DLGAP1: variants seen among roughly 807,000 people sequenced by gnomAD.
The protein encoded by DLGAP1 is disks large-associated protein 1.
A neutral mutation model predicts 90.8 loss-of-function variants in DLGAP1; 11 were observed. The observed-to-expected ratio is 0.12, with a 90% CI of 0.08 to 0.20. The LOEUF (loss-of-function observed/expected upper bound fraction) is 0.20. DLGAP1 is among the 10% of genes least tolerant of loss of function. The pLI is 1.00. For synonymous variants in DLGAP1, 558 were observed against 540.7 expected, an observed-to-expected ratio of 1.03 and a Z score of -0.44; for missense variants, 1,050 against 1,333.8, an observed-to-expected ratio of 0.79 and a Z score of 3.31.
chr18:4,140,680 C>G (rs2076481059), intron 2 of DLGAP1, among the ~76,000 whole-genome samples: 1 of 151,928 alleles, frequency 6.6e-6, no homozygotes, highest in Non-Finnish European at 1.5e-5. Context: ...AAGTCCTTTT[C>G]TTTTGGATTA....
chr18:3,514,087 G>A (rs1418200558), intron 10 of DLGAP1, among the ~76,000 whole-genome samples: 1 of 150,182 alleles, frequency 6.7e-6, no homozygotes, highest in African/African-American at 2.4e-5. Flanking sequence ...AAAGGCAGAC[G>A]TGCTCATTTC....
rs149664649 is a variant in DLGAP1, at chr18:3,672,403, C to T, written c.1591+56732G>A. 3.4e-4 allele frequency among the ~76,000 whole-genome samples: 52 copies of T among 151,512 alleles called. 2 individuals carry two copies. In the East Asian group the frequency reaches 8.4e-3, roughly 24 times the overall value. On this transcript the variant is annotated intron_variant, in intron 7 of 12. Coordinates refer to ENST00000315677, the MANE Select transcript of DLGAP1 (RefSeq NM_004746.4). ...GACCAGCCTGGGCAATATGGAGAAA[C>T]GTCATCTCTACTAAAAATACAAAAT...
At chr18:4,358,620 T>A (rs1212179590) in intron 1 of DLGAP1, among the ~76,000 whole-genome samples, 1 of 152,260 alleles carries the variant, frequency 6.6e-6, no homozygotes, top group East Asian at 1.9e-4. Context: ...TTTCTTCATG[T>A]GAAGGGAAAC....
chr18:3,847,106 C>T (rs73374512), intron 4 of DLGAP1, among the ~76,000 whole-genome samples: 2 of 151,936 alleles, frequency 1.3e-5, no homozygotes, highest in African/African-American at 4.8e-5. Flanking sequence ...TATAAGGAAG[C>T]TAGGTCAGTA....
chr18:3,729,022 G>T lies in DLGAP1; in HGVS notation c.1591+113C>A. 6.9e-7 allele frequency: 1 copy of T among 1,441,742 alleles called. No individual in the cohort carries two copies. Among genetic ancestry groups the T allele is most frequent in the Non-Finnish European group, 9.2e-7 (1 of 1,085,186 alleles). 89.3% of individuals were successfully genotyped at this position (1,441,742 alleles called of 1,614,324 possible). A position where few individuals can be genotyped will look rare whatever the true frequency, so the allele number is the denominator to read the frequency against. On this transcript the variant is annotated intron_variant, in intron 7 of 12. Transcript: ENST00000315677. The surrounding 1 kb of genome is among the most constrained non-coding windows in gnomAD (Gnocchi z 6.2). ...AAAACCTTTGGTTTGTAGGACATGG[G>T]TGGTATCTTGTTCCTGGCAACTATG...
intron 5 of DLGAP1, among the ~76,000 whole-genome samples, chr18:3,804,918 T>C (rs548581522): frequency 1.2e-4 from 19 of 152,322 alleles, no homozygotes; most frequent in African/African-American, 4.6e-4. Flanking sequence ...AACACAGTGC[T>C]TCGGGAATTC....
At chr18:4,123,509 A>G (rs996343983) in intron 2 of DLGAP1, among the ~76,000 whole-genome samples, 10 of 152,188 alleles carry the variant, frequency 6.6e-5, no homozygotes, top group Admixed American at 5.9e-4. Flanking sequence ...ATGTTCAGGA[A>G]CATAAAAAGT....
chr18:3,648,711 GT>G (rs1169248450), intron 7 of DLGAP1, among the ~76,000 whole-genome samples: 1 of 152,186 alleles, frequency 6.6e-6, no homozygotes, highest in Admixed American at 6.5e-5. Context: ...AAGAGTAAGA[GT>G]TTTGTTTACA....
intron 3 of DLGAP1, among the ~76,000 whole-genome samples, chr18:3,901,730 T>C (rs541364714): frequency 6.6e-6 from 1 of 152,326 alleles, no homozygotes; most frequent in Admixed American, 6.5e-5. Flanking sequence ...ATTGTGTTTT[T>C]CAGAAAACCA....
chr18:4,424,049 G>C (rs1468913829), intron 1 of DLGAP1, among the ~76,000 whole-genome samples: 3 of 152,034 alleles, frequency 2.0e-5, no homozygotes, highest in African/African-American at 7.2e-5. Flanking sequence ...CTACTCAGGC[G>C]GCTGAGGCAG....
At position 3,712,411 on chromosome 18, in the gene DLGAP1, TACCCAGGGTTTCCC is replaced by T. The variant is rs1470476722; in HGVS notation, c.1591+16710_1591+16723del. On this transcript the variant is annotated intron_variant, in intron 7 of 12. Transcript: ENST00000315677. ...CTGTAGCACTTGGCCGAGGCCTAGA[TACCCAGGGTTTCCC>T]ACTGGAAAGTCTCACCTGGGGCTCA... is the stretch of plus-strand genomic sequence containing the variant. Among the ~76,000 whole-genome samples, 29 of 152,304 alleles carry T rather than the reference TACCCAGGGTTTCCC, an allele frequency of 1.9e-4. 2 individuals carry two copies. The East Asian group carries it at 5.2e-3, about 27-fold the overall frequency.
intron 1 of DLGAP1, among the ~76,000 whole-genome samples, chr18:4,423,339 G>A (rs1354084946): frequency 1.3e-5 from 2 of 152,150 alleles, no homozygotes; most frequent in Admixed American, 6.5e-5. Context: ...ATATTAAGGT[G>A]AGAAATGGCA....
intron 1 of DLGAP1, among the ~76,000 whole-genome samples, chr18:4,333,489 A>G (rs1363825286): frequency 2.6e-5 from 4 of 151,682 alleles, no homozygotes; most frequent in Admixed American, 6.6e-5. Flanking sequence ...CAATAGAGAG[A>G]GAGAAATAAT....
intron 1 of DLGAP1, among the ~76,000 whole-genome samples, chr18:4,300,554 G>T (rs886165918): frequency 5.3e-5 from 8 of 151,982 alleles, no homozygotes; most frequent in African/African-American, 1.7e-4. Context: ...TTTGTTTTAA[G>T]CCTTACAGCC....
At chr18:3,811,684 T>C (rs1286766192) in intron 5 of DLGAP1, among the ~76,000 whole-genome samples, 1 of 152,208 alleles carries the variant, frequency 6.6e-6, no homozygotes, top group Non-Finnish European at 1.5e-5. Flanking sequence ...CTTTCTGCTC[T>C]GAAAACTTCT....
At chr18:4,099,270 GTCTATCTATCTATCTA>G (rs145071677) in intron 2 of DLGAP1, among the ~76,000 whole-genome samples, 2 of 147,896 alleles carry the variant, frequency 1.4e-5, no homozygotes, top group East Asian at 2.0e-4. Flanking sequence ...CTGTCTGTCT[GTCTATCTATCTATCTA>G]TCTGTCTATC....
intron 10 of DLGAP1, among the ~76,000 whole-genome samples, chr18:3,524,572 C>T (rs550188173): frequency 1.3e-5 from 2 of 152,260 alleles, no homozygotes; most frequent in African/African-American, 4.8e-5. Context: ...CTCAAATATA[C>T]ACAAAATTTA....
At chr18:4,001,850 C>A (rs961201306) in intron 3 of DLGAP1, among the ~76,000 whole-genome samples, 3 of 152,166 alleles carry the variant, frequency 2.0e-5, no homozygotes, top group African/African-American at 7.2e-5. Flanking sequence ...CGGCAGGACT[C>A]TAGGGGTTTC....
chr18:3,773,657 C>T (rs555532886), intron 5 of DLGAP1, among the ~76,000 whole-genome samples: 1 of 152,254 alleles, frequency 6.6e-6, no homozygotes, highest in African/African-American at 2.4e-5. Context: ...AACTTCCTGC[C>T]ACACTGATAA....
Sources: gnomAD v4.1 joint callset for allele counts (sites outside exome capture counted in the v4.1 genomes callset) on GRCh38, gnomAD v4.1.1 for gene constraint, Gnocchi (gnomAD v3.1) non-coding constraint, MANE v1.5 for transcripts, NCBI Gene and HGNC (gene_info 2026-07-23, HGNC 2026-07-21) for gene names.